FBN3: variants seen among roughly 807,000 people sequenced by gnomAD.
FBN3 encodes the protein fibrillin-3.
FBN3 carries 234 observed loss-of-function variants against 330.1 expected under a neutral mutation model. The observed-to-expected ratio is 0.71, with a 90% CI of 0.64 to 0.79. The LOEUF (loss-of-function observed/expected upper bound fraction) is 0.79. FBN3 is among the 30% of genes least tolerant of loss of function. The pLI, the probability that FBN3 is intolerant of heterozygous loss-of-function variation, is 0.00. For missense variants in FBN3, 3,606 were observed against 3,886.9 expected, an observed-to-expected ratio of 0.93 and a Z score of 1.92; for synonymous variants, 1,458 against 1,517.3, an observed-to-expected ratio of 0.96 and a Z score of 0.91.
At chr19:8,144,822 C>CTT in intron 6 of FBN3, 55 bp downstream of exon 6, 1 of 1,410,464 alleles carries the variant, frequency 7.1e-7, no homozygotes, top group Non-Finnish European at 9.8e-7. Context: ...TTCCAGGAAA[C>CTT]CCCCTTTCCT....
chr19:8,126,808 G>T lies in FBN3; in HGVS notation c.2321C>A (p.Pro774Gln). The change falls in exon 19 of 64, where the codon CCG (proline) becomes CAG (glutamine). Residue 774 changes from proline (P) to glutamine (Q), a missense_variant. Transcript: ENST00000600128. ...GTTCCGACAGACGCCACTCACACAC[G>T]GGCTGGACAGGCATTCGTCGACATC... ...CKDVDECLSS[P>Q]CVSGVCRNLA... 1 of 1,575,956 alleles carries T rather than the reference G, an allele frequency of 6.3e-7. No homozygotes were observed.
At position 8,138,336 on chromosome 19, in the gene FBN3, A is replaced by G. The variant is rs530000365; in HGVS notation, c.1019-13T>C. 18 of 1,612,618 alleles carry G rather than the reference A, an allele frequency of 1.1e-5. No individual in the cohort carries two copies. The highest frequency in any genetic ancestry group is 9.3e-5 in the African/African-American group (7 of 74,968). ...TGCTGGAATTCATCTGCAAGGAAGC[A>G]GGGTTGAGGCCAGGCCCTTGGCCCT... is the stretch of plus-strand genomic sequence containing the variant. On this transcript the variant is annotated splice_polypyrimidine_tract_variant and intron_variant, in intron 9 of 63. Coordinates refer to ENST00000600128, the MANE Select transcript of FBN3 (RefSeq NM_032447.5).
intron 56 of FBN3, among the ~76,000 whole-genome samples, chr19:8,083,727 C>T (rs947977327): frequency 1.3e-5 from 2 of 152,010 alleles, no homozygotes; most frequent in African/African-American, 2.4e-5. Context: ...GGAACACACG[C>T]CAACACTCAG....
At chr19:8,072,277 A>ACTC in intron 62 of FBN3, 79 bp from the exon 63 acceptor site, 1 of 1,409,396 alleles carries the variant, frequency 7.1e-7, no homozygotes, top group Non-Finnish European at 9.5e-7. Context: ...TCCACCCCAT[A>ACTC]CTCCGTTCTG....
chr19:8,067,631 A>T (rs2081421923), intron 63 of FBN3, among the ~76,000 whole-genome samples: 2 of 152,026 alleles, frequency 1.3e-5, no homozygotes, highest in Admixed American at 1.3e-4. Flanking sequence ...CTGTCTCAAA[A>T]ATATATATAT....
At chr19:8,067,129 CTT>C (rs1029572620) in intron 63 of FBN3, among the ~76,000 whole-genome samples, 16 of 135,182 alleles carry the variant, frequency 1.2e-4, no homozygotes, top group Admixed American at 1.5e-4. Flanking sequence ...TCTTCTTTTT[CTT>C]TTTTTTTTTT....
chr19:8,148,925 C>T (rs10407033), intron 1 of FBN3: 14,693 of 153,210 alleles, frequency 0.096, 1,206 homozygotes, highest in African/African-American at 0.22. Context: ...TCCCTCCGCC[C>T]CAGCCCCCTG....
chr19:8,095,905 C>A, intron 45 of FBN3, 59 bp downstream of exon 45: 1 of 1,090,724 alleles, frequency 9.2e-7, no homozygotes, highest in South Asian at 1.3e-5. Flanking sequence ...TTTCTAGATT[C>A]ACTTCCTTAG....
At chr19:8,072,743 C>CACACA (rs2081545523) in intron 62 of FBN3, among the ~76,000 whole-genome samples, 1 of 151,762 alleles carries the variant, frequency 6.6e-6, no homozygotes, top group Admixed American at 6.6e-5. Flanking sequence ...CACACACACA[C>CACACA]GTGTGCATGC....
intron 1 of FBN3, 189 bp from the exon 2 acceptor site, chr19:8,147,686 T>C (rs2145079219): frequency 8.6e-6 from 4 of 463,072 alleles, no homozygotes; most frequent in South Asian, 1.1e-4. Flanking sequence ...GGAGGTGTGA[T>C]GTTAGAGAAG....
Position 8,109,662 on chromosome 19 carries a change from A to G in FBN3, c.4425T>C (p.Phe1475=). Reference sequence around the variant, plus strand: ...AGCCCACTCCGCTGGGGTTCAGCTCAAAATCCTGGGGGCAGCTGCAGAGGT... The same window carrying G: ...AGCCCACTCCGCTGGGGTTCAGCTCGAAATCCTGGGGGCAGCTGCAGAGGT... ...GSYLCSCPQD[F]ELNPSGVGCV... The change falls in exon 35 of 64, where the codon TTT becomes TTC. Residue 1475 remains phenylalanine (F), a synonymous_variant. Transcript: ENST00000600128. The surrounding 1 kb of genome is among the most constrained non-coding windows in gnomAD (Gnocchi z 5.2). 1 of 1,586,202 alleles carries G rather than the reference A, an allele frequency of 6.3e-7. No individual in the cohort carries two copies. Among genetic ancestry groups the G allele is most frequent in the Non-Finnish European group, 8.6e-7 (1 of 1,167,072 alleles).
chr19:8,111,298 T>A, intron 32 of FBN3, 115 bp from the exon 33 acceptor site: 2 of 1,307,388 alleles, frequency 1.5e-6, no homozygotes, highest in Non-Finnish European at 2.1e-6. Flanking sequence ...CCCAGGCAAG[T>A]AGCCCTGGGG....
rs1010687292 is a variant in FBN3 at position 8,109,338 on chromosome 19, C to T, written c.4507G>A (p.Gly1503Ser). ...FLETHDRGDSGISCSAEIGVG... is the reference protein window; with the variant it reads ...FLETHDRGDSSISCSAEIGVG... Reference sequence around the variant, plus strand: ...CCGATCTCGGCACTGCAGGAAATGCCACTGTCCCCTCGGTCATGCGTCTCC... The same window carrying T: ...CCGATCTCGGCACTGCAGGAAATGCTACTGTCCCCTCGGTCATGCGTCTCC... The change falls in exon 36 of 64, where the codon GGC becomes AGC. Residue 1503 changes from glycine to serine, a missense_variant. Physicochemically the swap from Gly to Ser is moderately conservative, Grantham distance 56. Transcript: ENST00000600128. This position sits in a 1 kb window ranked among gnomAD's most constrained non-coding sequence, Gnocchi z 5.2. 6.2e-7 allele frequency: 1 copy of T among 1,614,198 alleles called. No individual in the cohort carries two copies. The highest frequency in any genetic ancestry group is 8.5e-7 in the Non-Finnish European group (1 of 1,180,020).
At position 8,121,398 on chromosome 19, in the gene FBN3, G is replaced by GT. The variant is rs775345197; in HGVS notation, c.3083-13_3083-12insA. On this transcript the variant is annotated splice_polypyrimidine_tract_variant and intron_variant, in intron 24 of 63. Coordinates refer to ENST00000600128, the MANE Select transcript of FBN3 (RefSeq NM_032447.5). The surrounding 1 kb of genome is among the most constrained non-coding windows in gnomAD (Gnocchi z 4.5). Reference sequence around the variant, plus strand: ...ACACTCGTCGATATCTGTGGGGAGAGGGGGCAGAGGCCGGAGGCGCCATGT... The same window carrying GT: ...ACACTCGTCGATATCTGTGGGGAGAGTGGGGCAGAGGCCGGAGGCGCCATGT... The GT allele has an allele frequency of 4.0e-6, 6 of 1,493,422 alleles. No homozygotes were observed. The African/African-American group carries it at 9.9e-5, about 25-fold the overall frequency. 92.5% of individuals were successfully genotyped at this position (1,493,422 alleles called of 1,614,324 possible).
Position 8,141,978 on chromosome 19 carries a change from C to T in FBN3, c.701G>A (p.Arg234His), listed in dbSNP as rs148311665. The T allele has an allele frequency of 5.8e-5, 93 of 1,614,168 alleles. No homozygotes were observed. The African/African-American group carries it at 7.1e-4, about 12-fold the overall frequency. The change falls in exon 7 of 64, where the codon CGC becomes CAC. Residue 234 changes from arginine (R) to histidine (H), a missense_variant. Physicochemically the swap from Arg to His is conservative, Grantham distance 29 (BLOSUM62 0). Transcript: ENST00000600128. ...CGTGTGGATATTGGGGATGAAGCCG[C>T]GGCGGCAGGGGTGTGGCTGTGCAGG... is the stretch of plus-strand genomic sequence containing the variant. ...LCPAQPHPCR[R>H]GFIPNIHTGA...
intron 6 of FBN3, among the ~76,000 whole-genome samples, chr19:8,143,498 T>TTTTC (rs1555756834): frequency 2.0e-3 from 78 of 38,352 alleles, no homozygotes; most frequent in East Asian, 0.019. Flanking sequence ...TTTTCTTTTC[T>TTTTC]TTTTTTTTTT....
intron 13 of FBN3, among the ~76,000 whole-genome samples, chr19:8,135,705 A>G (rs1042931270): frequency 1.3e-5 from 2 of 152,090 alleles, no homozygotes; most frequent in Non-Finnish European, 2.9e-5. Flanking sequence ...TTACAGGCAT[A>G]AGGCACCAAG....
chr19:8,124,982 T>C (rs1469013776), intron 22 of FBN3, among the ~76,000 whole-genome samples: 1 of 152,226 alleles, frequency 6.6e-6, no homozygotes, highest in Non-Finnish European at 1.5e-5. Context: ...ATGACAATGC[T>C]GTACCCGTGC....
Position 8,095,452 on chromosome 19 carries a change from C to T in FBN3, c.5708G>A (p.Cys1903Tyr), listed in dbSNP as rs1181472679. 1.2e-6 allele frequency: 2 copies of T among 1,613,780 alleles called. No individual in the cohort carries two copies. Among genetic ancestry groups the T allele is most frequent in the Non-Finnish European group, 1.7e-6 (2 of 1,179,810 alleles). Residue 1903 changes from cysteine to tyrosine, a missense_variant, in exon 46 of 64, where the codon TGC becomes TAC. Transcript: ENST00000600128. ...GTGGAAGGAACCAGCTGTGTTGAGG[C>T]AATGGCCAAATCGGCACACCTGCCC... is the stretch of plus-strand genomic sequence containing the variant. ...LVGQVCRFGH[C>Y]LNTAGSFHCL... is the part of the protein sequence containing the mutation.
Sources: gnomAD v4.1 joint callset for allele counts (sites outside exome capture counted in the v4.1 genomes callset) on GRCh38, gnomAD v4.1.1 for gene constraint, Gnocchi (gnomAD v3.1) non-coding constraint, MANE v1.5 for transcripts, NCBI Gene and HGNC (gene_info 2026-07-23, HGNC 2026-07-21) for gene names.